The following KLHL14 variants were observed in gnomAD, a reference collection of about 807,000 sequenced individuals.
KLHL14 encodes the protein kelch like family member 14.
In KLHL14, 22 loss-of-function variants were observed where a neutral mutation model predicts 64.3. The observed-to-expected ratio is 0.34, with a 90% CI of 0.24 to 0.49. The LOEUF (loss-of-function observed/expected upper bound fraction) is 0.49. KLHL14 is among the 20% of genes least tolerant of loss of function. KLHL14 has a pLI of 0.99. For missense variants in KLHL14, 661 were observed against 789.0 expected, an observed-to-expected ratio of 0.84 and a Z score of 1.94; for synonymous variants, 322 against 333.4, an observed-to-expected ratio of 0.97 and a Z score of 0.37.
Position 32,770,326 on chromosome 18 carries a change from T to G in KLHL14, c.266A>C (p.Gln89Pro), listed in dbSNP as rs775270472. 3 of 1,583,874 alleles carry G rather than the reference T, an allele frequency of 1.9e-6. No individual in the cohort carries two copies. Among genetic ancestry groups the G allele is most frequent in the East Asian group, 2.2e-5 (1 of 44,642 alleles). ...CTGCTGCTGCTGTGACGGCTGCTGC[T>G]GCGGCGGCTGCTGCTGGTCCTTGGG... ...GAPKDQQQPP[Q>P]QQPSQQQQPP... The change falls in exon 2 of 9, where the codon CAG becomes CCG. Residue 89 changes from glutamine (Q) to proline (P), a missense_variant. Transcript: ENST00000359358. This position sits in a 1 kb window ranked among gnomAD's most constrained non-coding sequence, Gnocchi z 6.7.
chr18:32,755,231 G>A (rs1395737357), intron 2 of KLHL14, among the ~76,000 whole-genome samples: 1 of 152,084 alleles, frequency 6.6e-6, no homozygotes, highest in Non-Finnish European at 1.5e-5. Flanking sequence ...ATCCCCCACT[G>A]GAAAGGGCAT....
At chr18:32,687,080 AC>A in intron 5 of KLHL14, 74 bp downstream of exon 5, 1 of 1,239,842 alleles carries the variant, frequency 8.1e-7, no homozygotes, top group East Asian at 2.3e-5. Context: ...ATTCCTTCTT[AC>A]AAAAAACCAC....
chr18:32,734,290 C>T (rs1198046173), intron 3 of KLHL14: 2 of 700,408 alleles, frequency 2.9e-6, no homozygotes, highest in East Asian at 2.7e-5. Context: ...CAGTGCAAGA[C>T]ACTGCAGCTC....
chr18:32,740,000 T>A (rs1175729990), intron 3 of KLHL14, among the ~76,000 whole-genome samples: 2 of 152,232 alleles, frequency 1.3e-5, no homozygotes, highest in African/African-American at 4.8e-5. Flanking sequence ...CAATTTTTAT[T>A]TTAAAAATAC....
intron 3 of KLHL14, among the ~76,000 whole-genome samples, chr18:32,698,706 A>G (rs1313392067): frequency 6.6e-6 from 1 of 152,190 alleles, no homozygotes; most frequent in Non-Finnish European, 1.5e-5. Flanking sequence ...TCTCAACTTT[A>G]TTAAACAAAC....
At chr18:32,747,988 G>A in intron 2 of KLHL14, among the ~76,000 whole-genome samples, 1 of 152,134 alleles carries the variant, frequency 6.6e-6, no homozygotes, top group Non-Finnish European at 1.5e-5. Flanking sequence ...TATGTTCCAG[G>A]TGGTGTTCTA....
At chr18:32,721,533 T>C (rs987921828) in intron 3 of KLHL14, among the ~76,000 whole-genome samples, 1 of 152,250 alleles carries the variant, frequency 6.6e-6, no homozygotes, top group South Asian at 2.1e-4. Context: ...GAGCATTTGT[T>C]CAGGCTTTAT....
Position 32,770,285 on chromosome 18 carries a change from C to T in KLHL14, c.307G>A (p.Glu103Lys), listed in dbSNP as rs756668992. ...SQQQQPPPQEEPGTPSSSPDD... is the reference protein window; with the variant it reads ...SQQQQPPPQEKPGTPSSSPDD... ...GGGGAGGAAGAAGGAGTCCCGGGCT[C>T]CTCCTGCGGCGGCGGCTGCTGCTGC... The change falls in exon 2 of 9, where the codon GAG becomes AAG. Residue 103 changes from glutamate (E) to lysine (K), a missense_variant. Physicochemically the swap from Glu to Lys is moderately conservative, Grantham distance 56. Around this residue, in one of 2 missense-constraint regions of KLHL14, gnomAD observed 331 missense variants for 339.0 expected, o/e 0.98. Transcript: ENST00000359358. This position sits in a 1 kb window ranked among gnomAD's most constrained non-coding sequence, Gnocchi z 6.7. 2 of 1,588,566 alleles carry T rather than the reference C, an allele frequency of 1.3e-6. No individual in the cohort carries two copies. The highest frequency in any genetic ancestry group is 1.7e-6 in the Non-Finnish European group (2 of 1,167,076).
intron 3 of KLHL14, among the ~76,000 whole-genome samples, chr18:32,716,338 A>C (rs1317701306): frequency 6.6e-6 from 1 of 152,190 alleles, no homozygotes; most frequent in Admixed American, 6.5e-5. Flanking sequence ...CAGCTGTAAA[A>C]AAAACAGTGG....
In KLHL14 at chr18:32,770,177, G is replaced by A. The variant is rs776686208; in HGVS notation, c.415C>T (p.Leu139Phe). 6.2e-7 allele frequency: 1 copy of A among 1,613,730 alleles called. No individual in the cohort carries two copies. Among genetic ancestry groups the A allele is most frequent in the South Asian group, 1.1e-5 (1 of 91,070 alleles). Residue 139 changes from leucine to phenylalanine, a missense_variant, in exon 2 of 9, where the codon CTC becomes TTC. Coordinates refer to ENST00000359358, the MANE Select transcript of KLHL14 (RefSeq NM_020805.3). The surrounding 1 kb of genome is among the most constrained non-coding windows in gnomAD (Gnocchi z 6.7). The stretch of plus-strand genomic sequence containing the variant: ...ACGTTGGCCGTGTAGAGGTACTCGA[G>A]CACCAGGCGCAGCCCGATGGACGAG... ...GCSSIGLRLV[L>F]EYLYTANVTL...
chr18:32,687,843 T>A (rs1269189844), intron 4 of KLHL14, among the ~76,000 whole-genome samples: 1 of 152,192 alleles, frequency 6.6e-6, no homozygotes, highest in Non-Finnish European at 1.5e-5. Flanking sequence ...CTGCTCTCTC[T>A]GTTCAAACAA....
chr18:32,675,799 C>T (rs1238525749), intron 8 of KLHL14, among the ~76,000 whole-genome samples: 1 of 152,154 alleles, frequency 6.6e-6, no homozygotes, highest in Non-Finnish European at 1.5e-5. Context: ...TACATTCTTG[C>T]AGCTAACAAT....
Position 32,730,226 on chromosome 18 carries a change from G to A in KLHL14, c.1069+11702C>T, listed in dbSNP as rs183251434. On this transcript the variant is annotated intron_variant, in intron 3 of 8. Coordinates refer to ENST00000359358, the MANE Select transcript of KLHL14 (RefSeq NM_020805.3). ...TAGACCTCATAGAGAAATGGTTAAC[G>A]TTTTGATCCCTTAACTCTGTGAAGG... 1.2e-3 allele frequency among the ~76,000 whole-genome samples: 179 copies of A among 152,298 alleles called. No individual in the cohort carries two copies. The Middle Eastern group carries it at 0.017, about 14-fold the overall frequency.
Position 32,677,161 on chromosome 18 carries a change from G to A in KLHL14, c.1746+12C>T. 3 of 1,606,170 alleles carry A rather than the reference G, an allele frequency of 1.9e-6. No individual in the cohort carries two copies. Among genetic ancestry groups the A allele is most frequent in the Non-Finnish European group, 2.5e-6 (3 of 1,176,896 alleles). On this transcript the variant is annotated intron_variant, in intron 8 of 8. Transcript: ENST00000359358. ...CGAAATAAAGGAGGATGCAGTAAAT[G>A]TGGACACATACCATACTCCAGCTGT...
chr18:32,771,970 C>A, intron 1 of KLHL14: 1 of 179,096 alleles, frequency 5.6e-6, no homozygotes, highest in African/African-American at 2.4e-5. Flanking sequence ...CTGAGCCGCC[C>A]GCATCTAGGC....
At chr18:32,726,456 T>C (rs947236858) in intron 3 of KLHL14, among the ~76,000 whole-genome samples, 2 of 152,002 alleles carry the variant, frequency 1.3e-5, no homozygotes, top group Non-Finnish European at 2.9e-5. Context: ...AAACCCCGTC[T>C]CTACTAAAAA....
chr18:32,681,906 C>A (rs1206653197), intron 5 of KLHL14, among the ~76,000 whole-genome samples: 1 of 152,072 alleles, frequency 6.6e-6, no homozygotes, highest in Non-Finnish European at 1.5e-5. Context: ...GGTGTGTGGC[C>A]TTTGACATGT....
At chr18:32,718,452 AT>A (rs1042390831) in intron 3 of KLHL14, among the ~76,000 whole-genome samples, 5 of 152,146 alleles carry the variant, frequency 3.3e-5, no homozygotes, top group Non-Finnish European at 7.4e-5. Flanking sequence ...AGGCAGAGAT[AT>A]TTCCCCCCAG....
intron 3 of KLHL14, chr18:32,737,849 GC>G (rs1568078794): frequency 6.6e-6 from 1 of 152,100 alleles, no homozygotes; most frequent in East Asian, 1.9e-4. Context: ...AAACAAAAAG[GC>G]ATTTCCTCTA....
Sources: gnomAD v4.1 joint callset for allele counts (sites outside exome capture counted in the v4.1 genomes callset) on GRCh38, gnomAD v4.1.1 for gene constraint, gnomAD v4.1.1 regional missense constraint, Gnocchi (gnomAD v3.1) non-coding constraint, MANE v1.5 for transcripts, NCBI Gene and HGNC (gene_info 2026-07-23, HGNC 2026-07-21) for gene names.